BRCA2: variants seen among roughly 807,000 people sequenced by gnomAD.
BRCA2 encodes the protein BRCA2 DNA repair associated, also known as breast cancer type 2 susceptibility protein.
Under a neutral mutation model 276.7 loss-of-function variants are expected in BRCA2, and 203 were observed. The ratio of observed to expected loss-of-function variants is 0.73; its 90% CI spans 0.65 to 0.82. BRCA2 has a LOEUF of 0.82. Among genes scored for constraint, BRCA2 ranks in the 40% least tolerant of loss-of-function variants. The pLI, the probability that BRCA2 is intolerant of heterozygous loss-of-function variation, is 0.00. For synonymous variants in BRCA2, 1,289 were observed against 1,338.4 expected, an observed-to-expected ratio of 0.96 and a Z score of 0.81; for missense variants, 3,920 against 3,915.0, an observed-to-expected ratio of 1.00 and a Z score of -0.03.
intron 13 of BRCA2, among the ~76,000 whole-genome samples, chr13:32,349,411 G>A (rs1006541830): frequency 6.6e-6 from 1 of 152,002 alleles, no homozygotes; most frequent in Admixed American, 6.6e-5. Flanking sequence ...TGGTGGTGGG[G>A]ACAGCAGAGA....
chr13:32,320,214 ATTTG>A (rs1170928339), intron 3 of BRCA2, among the ~76,000 whole-genome samples: 4 of 152,220 alleles, frequency 2.6e-5, no homozygotes, highest in South Asian at 2.1e-4. Context: ...AAGAAATTGA[ATTTG>A]TTTGGTTGGT....
At chr13:32,374,671 G>C (rs886588980) in intron 20 of BRCA2, among the ~76,000 whole-genome samples, 4 of 152,286 alleles carry the variant, frequency 2.6e-5, no homozygotes, top group African/African-American at 9.6e-5. Flanking sequence ...GACCACCTCA[G>C]GCTGGACTTC....
intron 7 of BRCA2, among the ~76,000 whole-genome samples, chr13:32,327,789 G>T (rs2072360880): frequency 6.8e-6 from 1 of 146,990 alleles, no homozygotes. Flanking sequence ...TTTTAATTGA[G>T]ACAAGGTTCT....
chr13:32,380,722 A>G (rs1434691551), intron 24 of BRCA2, among the ~76,000 whole-genome samples: 1 of 151,418 alleles, frequency 6.6e-6, no homozygotes, highest in East Asian at 1.9e-4. Context: ...TTGTATTTTT[A>G]GTAGAGTCGG....
rs748816192 is a variant in BRCA2 at position 32,346,890 on chromosome 13, C to T, written c.7001C>T (p.Pro2334Leu). 1.9e-6 allele frequency: 3 copies of T among 1,606,718 alleles called. No individual in the cohort carries two copies. Among genetic ancestry groups the T allele is most frequent in the Non-Finnish European group, 1.7e-6 (2 of 1,175,920 alleles). ...TCTTTAGAGCCGATTACCTGTGTAC[C>T]CTTTCGGTAAGACATGTTTAAATTT... ...HVSLEPITCV[P>L]FRTTKERQEI... The change falls in exon 13 of 27, where the codon CCC (proline) becomes CTC (leucine). Residue 2334 changes from proline (P) to leucine (L), a missense_variant. Around this residue, in one of 2 missense-constraint regions of BRCA2, gnomAD observed 3,263 missense variants for 3,156.9 expected, o/e 1.03. Coordinates refer to ENST00000380152, the MANE Select transcript of BRCA2 (RefSeq NM_000059.4).
At position 32,342,795 on chromosome 13, in the gene BRCA2, C is replaced by T. The variant is rs569238800; in HGVS notation, c.6841+1599C>T. ...GCTCAGTGGCTCATGCCTGTAATCC[C>T]AGCACTTTGGGAGGCTGAGGCAGGC... On this transcript the variant is annotated intron_variant, in intron 11 of 26. Coordinates refer to ENST00000380152, the MANE Select transcript of BRCA2 (RefSeq NM_000059.4). Among the ~76,000 whole-genome samples, 115 of 152,268 alleles carry T rather than the reference C, an allele frequency of 7.6e-4. 5 individuals carry two copies. In the South Asian group the frequency reaches 0.023, roughly 30 times the overall value.
rs730881595 is a variant in BRCA2 at position 32,363,549 on chromosome 13, C to T, written c.8331+16C>T. 2 of 1,600,494 alleles carry T rather than the reference C, an allele frequency of 1.2e-6. No individual in the cohort carries two copies. The highest frequency in any genetic ancestry group is 1.7e-6 in the Non-Finnish European group (2 of 1,168,064). The stretch of plus-strand genomic sequence containing the variant: ...TATGTTAAAGGTAAATTAATTTGCA[C>T]TCTTGGTAAAAATCAGTCATTGATT... On this transcript the variant is annotated intron_variant, in intron 18 of 26. Transcript: ENST00000380152.
chr13:32,329,308 A>C, intron 7 of BRCA2, 135 bp from the exon 8 acceptor site: 1 of 634,990 alleles, frequency 1.6e-6, no homozygotes, highest in Non-Finnish European at 2.8e-6. Flanking sequence ...ACTATACTTA[A>C]GTACTTGAAT....
chr13:32,353,859 T>G (rs2072668946), intron 13 of BRCA2, among the ~76,000 whole-genome samples: 1 of 152,190 alleles, frequency 6.6e-6, no homozygotes. Flanking sequence ...ATGTTGAGTT[T>G]GAAATGAGTG....
intron 14 of BRCA2, among the ~76,000 whole-genome samples, 192 bp from the exon 15 acceptor site, chr13:32,356,235 AT>A (rs1004336528): frequency 6.9e-5 from 10 of 145,688 alleles, no homozygotes; most frequent in East Asian, 2.0e-4. Context: ...ACTTTTATAT[AT>A]TTTTTTTTTG....
Position 32,332,394 on chromosome 13 carries a change from G to A in BRCA2, c.916G>A (p.Asp306Asn), listed in dbSNP as rs781169306. 6.3e-7 allele frequency: 1 copy of A among 1,591,994 alleles called. No homozygotes were observed. Among genetic ancestry groups the A allele is most frequent in the Non-Finnish European group, 8.5e-7 (1 of 1,169,982 alleles). ...AACAGTTGTAGATACCTCTGAAGAA[G>A]ATAGTTTTTCATTATGTTTTTCTAA... ...YETVVDTSEE[D>N]SFSLCFSKCR... The change falls in exon 10 of 27, where the codon GAT becomes AAT. Residue 306 changes from aspartate to asparagine, a missense_variant. By Grantham distance (23) the Asp-to-Asn change is conservative. Around this residue, in one of 2 missense-constraint regions of BRCA2, gnomAD observed 3,263 missense variants for 3,156.9 expected, o/e 1.03. Coordinates refer to ENST00000380152, the MANE Select transcript of BRCA2 (RefSeq NM_000059.4).
Position 32,340,512 on chromosome 13 carries a change from T to C in BRCA2, c.6157T>C (p.Ser2053Pro), listed in dbSNP as rs562893642. The C allele has an allele frequency of 3.7e-6, 6 of 1,613,606 alleles. No homozygotes were observed. In the South Asian group the frequency reaches 6.6e-5, roughly 18 times the overall value. Residue 2053 changes from serine to proline, a missense_variant, in exon 11 of 27, where the codon TCT becomes CCT. Around this residue, in one of 2 missense-constraint regions of BRCA2, gnomAD observed 3,263 missense variants for 3,156.9 expected, o/e 1.03. Transcript: ENST00000380152. ...KGFSYNVVNS[S>P]AFSGFSTASG... is the part of the protein sequence containing the mutation. ...CTTTTCATATAATGTGGTAAATTCA[T>C]CTGCTTTCTCTGGATTTAGTACAGC...
Position 32,338,467 on chromosome 13 carries a change from A to G in BRCA2, c.4112A>G (p.Gln1371Arg), listed in dbSNP as rs2072496412. 4 of 1,611,086 alleles carry G rather than the reference A, an allele frequency of 2.5e-6. No homozygotes were observed. The highest frequency in any genetic ancestry group is 3.4e-6 in the Non-Finnish European group (4 of 1,179,218). ...QHNICLKLSGQFMKEGNTQIK... is the reference protein window; with the variant it reads ...QHNICLKLSGRFMKEGNTQIK... ...AACATATGTCTTAAATTATCTGGCC[A>G]GTTTATGAAGGAGGGAAACACTCAG... Residue 1371 changes from glutamine (Q) to arginine (R), a missense_variant, in exon 11 of 27, where the codon CAG (glutamine) becomes CGG (arginine). By Grantham distance (43) the Gln-to-Arg change is conservative. Transcript: ENST00000380152.
intron 18 of BRCA2, among the ~76,000 whole-genome samples, chr13:32,369,198 C>T (rs1202167141): frequency 1.3e-5 from 2 of 149,696 alleles, no homozygotes; most frequent in African/African-American, 4.8e-5. Flanking sequence ...TTCAGCCCTC[C>T]AGAAAATAAA....
At chr13:32,394,422 T>C (rs1265901882) in intron 24 of BRCA2, among the ~76,000 whole-genome samples, 1 of 152,236 alleles carries the variant, frequency 6.6e-6, no homozygotes, top group East Asian at 1.9e-4. Flanking sequence ...TGCACAAATC[T>C]GTACTCCTGT....
rs1060504597 is a variant in BRCA2 at position 32,339,323 on chromosome 13, A to G, written c.4968A>G (p.Thr1656=). The G allele has an allele frequency of 2.5e-6, 4 of 1,599,926 alleles. No homozygotes were observed. In the South Asian group the frequency reaches 3.4e-5, roughly 14 times the overall value. ...ETAKSPATCY[T]NQSPYSVIEN... is the part of the protein sequence containing the mutation. ...CAAAAAGTCCTGCAACTTGTTACAC[A>G]AATCAGTCCCCTTATTCAGTCATTG... The change falls in exon 11 of 27, where the codon ACA becomes ACG. Residue 1656 remains threonine, a synonymous_variant. Transcript: ENST00000380152.
chr13:32,333,732 T>G (rs2072428323), intron 10 of BRCA2, among the ~76,000 whole-genome samples: 1 of 152,160 alleles, frequency 6.6e-6, no homozygotes, highest in Non-Finnish European at 1.5e-5. Context: ...AAGCCCAGCA[T>G]GCATTAGCTA....
chr13:32,318,940 TTTAA>T, intron 2 of BRCA2, 133 bp from the exon 3 acceptor site: 2 of 1,177,524 alleles, frequency 1.7e-6, no homozygotes, highest in East Asian at 2.4e-5. Flanking sequence ...AATGATCTTG[TTTAA>T]TTAATATGCC....
At chr13:32,342,535 T>A (rs1010511337) in intron 11 of BRCA2, among the ~76,000 whole-genome samples, 2 of 152,186 alleles carry the variant, frequency 1.3e-5, no homozygotes, top group African/African-American at 2.4e-5. Flanking sequence ...AGAAATAGAT[T>A]GTTAGATTTC....
Sources: allele counts gnomAD v4.1 joint callset (sites outside exome capture counted in the v4.1 genomes callset), GRCh38; gene constraint gnomAD v4.1.1; regional missense constraint gnomAD v4.1.1; transcripts MANE v1.5; gene names NCBI Gene and HGNC (gene_info 2026-07-23, HGNC 2026-07-21).